The following KLHL22 variants were observed in gnomAD, a reference collection of about 807,000 sequenced individuals.
KLHL22 encodes the protein kelch-like protein 22.
Under a neutral mutation model 60.7 loss-of-function variants are expected in KLHL22, and 18 were observed. That is an observed-to-expected ratio of 0.30 (90% CI 0.20 to 0.44). KLHL22 has a LOEUF of 0.44. KLHL22 is among the 20% of genes least tolerant of loss of function. The probability of loss-of-function intolerance (pLI) is 1.00; values close to 1 mark genes in which losing one functional copy is unlikely to be tolerated. For missense variants in KLHL22, 596 were observed against 852.3 expected (o/e 0.70, Z 3.74); for synonymous variants, 355 against 354.5 (o/e 1.00, Z -0.01).
chr22:20,480,719 G>GC, intron 2 of KLHL22, among the ~76,000 whole-genome samples: 1 of 151,324 alleles, frequency 6.6e-6, no homozygotes. Context: ...ACCTTAATAT[G>GC]CCCCCCAAAA....
chr22:20,455,704 G>C (rs541589929), intron 5 of KLHL22, among the ~76,000 whole-genome samples: 1 of 152,148 alleles, frequency 6.6e-6, no homozygotes, highest in Non-Finnish European at 1.5e-5. Context: ...TGCTTGCTTC[G>C]AAAGTAACCT....
chr22:20,442,906 A>G (rs1451654669), intron 6 of KLHL22, among the ~76,000 whole-genome samples: 2 of 152,114 alleles, frequency 1.3e-5, no homozygotes. Context: ...GCAGTAGGAC[A>G]GGGGGAGGAG....
At chr22:20,472,658 G>T (rs973432726) in intron 2 of KLHL22, among the ~76,000 whole-genome samples, 46 of 151,720 alleles carry the variant, frequency 3.0e-4, no homozygotes, top group Non-Finnish European at 5.9e-5. Flanking sequence ...CCCGGGAGGC[G>T]GAGGTTGCAG....
chr22:20,479,004 C>T (rs1004134412), intron 2 of KLHL22, among the ~76,000 whole-genome samples: 5 of 151,702 alleles, frequency 3.3e-5, no homozygotes, highest in Non-Finnish European at 7.4e-5. Flanking sequence ...TGGCAGGCGC[C>T]TGTAATTCCA....
intron 2 of KLHL22, among the ~76,000 whole-genome samples, chr22:20,473,772 G>A (rs1383501647): frequency 6.6e-6 from 1 of 152,152 alleles, no homozygotes; most frequent in Admixed American, 6.5e-5. Context: ...CTACTCAGGA[G>A]GCTGAGGCAG....
intron 3 of KLHL22, among the ~76,000 whole-genome samples, chr22:20,469,378 G>A (rs2053279398): frequency 6.6e-6 from 1 of 152,078 alleles, no homozygotes; most frequent in Non-Finnish European, 1.5e-5. Context: ...GGACTGACAG[G>A]GGAGCTCCGG....
chr22:20,448,142 G>A (rs1380072403), intron 5 of KLHL22, among the ~76,000 whole-genome samples: 1 of 152,174 alleles, frequency 6.6e-6, no homozygotes, highest in Non-Finnish European at 1.5e-5. Context: ...AACTTCAAGA[G>A]TGTTGTCTGA....
At chr22:20,480,095 A>C (rs2146264875) in intron 2 of KLHL22, among the ~76,000 whole-genome samples, 1 of 152,314 alleles carries the variant, frequency 6.6e-6, no homozygotes, top group African/African-American at 2.4e-5. Context: ...GAAATAAGCA[A>C]GTGATAAAGG....
chr22:20,457,483 C>A (rs2053081478), intron 5 of KLHL22, among the ~76,000 whole-genome samples: 1 of 152,126 alleles, frequency 6.6e-6, no homozygotes, highest in African/African-American at 2.4e-5. Context: ...AGCAAATGTT[C>A]TATCCACATT....
rs544831142 is a variant in KLHL22, at chr22:20,493,019, G to C, written c.-34+2741C>G. 4 of 363,610 alleles carry C rather than the reference G, an allele frequency of 1.1e-5. No individual in the cohort carries two copies. In the East Asian group the frequency reaches 3.2e-4, roughly 29 times the overall value. 22.5% of individuals were successfully genotyped at this position (363,610 alleles called of 1,614,324 possible). A position where few individuals can be genotyped will look rare whatever the true frequency, so the allele number is the denominator to read the frequency against. On this transcript the variant is annotated intron_variant, in intron 1 of 6. Transcript: ENST00000328879. The stretch of plus-strand genomic sequence containing the variant: ...TGCTAATGACAGACTCTGGGCACTT[G>C]TCTCATATACCCACGCCTCAGCTTT...
intron 3 of KLHL22, among the ~76,000 whole-genome samples, chr22:20,469,346 T>C (rs1176575171): frequency 6.6e-6 from 1 of 151,732 alleles, no homozygotes; most frequent in Non-Finnish European, 1.5e-5. Context: ...GGCAGGATGG[T>C]CACAGGACAC....
At chr22:20,493,456 A>G (rs1267066826) in intron 1 of KLHL22, among the ~76,000 whole-genome samples, 1 of 152,242 alleles carries the variant, frequency 6.6e-6, no homozygotes, top group East Asian at 1.9e-4. Flanking sequence ...GTCATGGCAC[A>G]GTGATCTGAC....
intron 6 of KLHL22, 38 bp from the exon 7 acceptor site, chr22:20,442,476 T>A (rs1307368270): frequency 6.6e-7 from 1 of 1,516,486 alleles, no homozygotes; most frequent in South Asian, 1.3e-5. Context: ...CAGCACCCAC[T>A]GGGACGAGGC....
At chr22:20,459,325 C>T (rs1348751167) in intron 4 of KLHL22, among the ~76,000 whole-genome samples, 1 of 152,144 alleles carries the variant, frequency 6.6e-6, no homozygotes, top group African/African-American at 2.4e-5. Context: ...GCAGTGTGGC[C>T]AGCCCCTCCC....
chr22:20,472,546 T>C (rs1028614342), intron 2 of KLHL22, among the ~76,000 whole-genome samples: 1 of 152,014 alleles, frequency 6.6e-6, no homozygotes, highest in Admixed American at 6.6e-5. Context: ...GCCAACATGG[T>C]GAAACCCCGT....
At chr22:20,483,712 G>T in intron 2 of KLHL22, 1 of 736,260 alleles carries the variant, frequency 1.4e-6, no homozygotes. Context: ...GTCCTCGATG[G>T]TCTTGAAGTA....
chr22:20,450,845 A>AAT (rs1438753862), intron 5 of KLHL22: 3 of 1,595,930 alleles, frequency 1.9e-6, no homozygotes, highest in Non-Finnish European at 2.6e-6. Context: ...CCTTTCATCC[A>AAT]CTATGGTTTA....
intron 5 of KLHL22, chr22:20,450,297 G>GCCAT (rs2052955421): frequency 1.9e-6 from 2 of 1,060,124 alleles, no homozygotes; most frequent in Non-Finnish European, 3.0e-6. Context: ...TTACTTCTGT[G>GCCAT]CCATGTTCAC....
chr22:20,470,051 A>G (rs1238141909), intron 3 of KLHL22, among the ~76,000 whole-genome samples: 1 of 152,244 alleles, frequency 6.6e-6, no homozygotes, highest in East Asian at 1.9e-4. Flanking sequence ...TTAAAGTTCA[A>G]TAACAGGTTG....
Sources: gnomAD v4.1 joint callset for allele counts (sites outside exome capture counted in the v4.1 genomes callset) on GRCh38, gnomAD v4.1.1 for gene constraint, MANE v1.5 for transcripts, NCBI Gene and HGNC (gene_info 2026-07-23, HGNC 2026-07-21) for gene names.